CFAP298: variants seen among roughly 807,000 people sequenced by gnomAD.
CFAP298 encodes the protein cilia- and flagella-associated protein 298.
In CFAP298, 38 loss-of-function variants were observed where a neutral mutation model predicts 41.0. The observed-to-expected ratio is 0.93, with a 90% CI of 0.72 to 1.22. The LOEUF is 1.22. CFAP298 is among the 50% of genes most tolerant of loss of function. The pLI, the probability that CFAP298 is intolerant of heterozygous loss-of-function variation, is 0.00. For missense variants in CFAP298, 348 were observed against 360.3 expected, an observed-to-expected ratio of 0.97 and a Z score of 0.28; for synonymous variants, 137 against 135.3, an observed-to-expected ratio of 1.01 and a Z score of -0.09.
intron 5 of CFAP298, chr21:32,602,643 G>C (rs2038769450): frequency 1.6e-6 from 2 of 1,283,416 alleles, no homozygotes; most frequent in South Asian, 2.0e-5. Flanking sequence ...AGTGGGAAAG[G>C]GAGGATGCTC....
chr21:32,607,760 C>T (rs753103171), intron 2 of CFAP298, 44 bp from the exon 3 acceptor site: 3 of 1,206,690 alleles, frequency 2.5e-6, no homozygotes, highest in Non-Finnish European at 2.4e-6. Flanking sequence ...CTGTCAAATA[C>T]AAAGCCTCTT....
At position 32,603,238 on chromosome 21, in the gene CFAP298, C is replaced by A; in HGVS notation, c.589G>T (p.Glu197Ter). The part of the protein sequence containing the change: ...AEAQLWWAAK[E>*]LRRTKKLSDY... ...GAAAGCTTCTTCGTTCTTCTCAGCT[C>A]CTTGGCTGCCCACCACAGCTGCGCC... Residue 197 changes from glutamate to a stop codon, truncating the protein, a stop_gained, in exon 5 of 7, where the codon GAG becomes TAG. Transcript: ENST00000290155. LOFTEE classifies it high-confidence loss of function. The A allele has an allele frequency of 6.2e-7, 1 of 1,614,180 alleles. No homozygotes were observed. Among genetic ancestry groups the A allele is most frequent in the Non-Finnish European group, 8.5e-7 (1 of 1,180,002 alleles).
chr21:32,610,779 A>C (rs2038971193), intron 1 of CFAP298, among the ~76,000 whole-genome samples: 1 of 152,238 alleles, frequency 6.6e-6, no homozygotes, highest in Non-Finnish European at 1.5e-5. Context: ...ATATTCATAT[A>C]ATGTAATCAA....
At chr21:32,607,134 G>C (rs181169256) in intron 3 of CFAP298, among the ~76,000 whole-genome samples, 3 of 152,254 alleles carry the variant, frequency 2.0e-5, no homozygotes, top group Admixed American at 2.0e-4. Context: ...ACAAAAATTT[G>C]TGTCTGCCTG....
Position 32,608,345 on chromosome 21 carries a change from C to T in CFAP298, c.308-629G>A, listed in dbSNP as rs143836324. On this transcript the variant is annotated intron_variant, in intron 2 of 6. Transcript: ENST00000290155. ...AATTAGACATTGAAAATATTAGAAACACAAGATTGTATTATAATAGAAGTG... is the reference window on the plus strand; with the variant it reads ...AATTAGACATTGAAAATATTAGAAATACAAGATTGTATTATAATAGAAGTG... 2.2e-3 allele frequency among the ~76,000 whole-genome samples: 333 copies of T among 150,248 alleles called. 4 individuals carry two copies. Among genetic ancestry groups the T allele is most frequent in the African/African-American group, 7.8e-3 (320 of 40,768 alleles).
intron 1 of CFAP298, among the ~76,000 whole-genome samples, chr21:32,611,338 T>TATATATATATATATATATATATATAA (rs954890218): frequency 2.8e-4 from 37 of 132,330 alleles, no homozygotes; most frequent in African/African-American, 1.2e-3. Context: ...TATATATATA[T>TATATATATATATATATATATATATAA]AATTTATTTA....
chr21:32,601,370 T>A lies in CFAP298; in HGVS notation c.*493A>T, dbSNP rs2038732676. Among the ~76,000 whole-genome samples, 1 of 144,224 alleles carries A rather than the reference T, an allele frequency of 6.9e-6. No homozygotes were observed. Among genetic ancestry groups the A allele is most frequent in the Admixed American group, 7.1e-5 (1 of 14,018 alleles). The allele number at this position is 144,224 out of a possible 152,430, so 94.6% of individuals were successfully genotyped here. On this transcript the variant is annotated 3_prime_UTR_variant, in exon 7 of 7. Transcript: ENST00000290155. ...AGAGTGCAGTGGCAGTGATCTTGGC[T>A]CACTGTAAGCTCCACCTCCCGGGTT...
intron 1 of CFAP298, among the ~76,000 whole-genome samples, chr21:32,610,897 TTA>T (rs1458024519): frequency 6.6e-6 from 1 of 152,148 alleles, no homozygotes; most frequent in Non-Finnish European, 1.5e-5. Context: ...TACACGATAG[TTA>T]TATAAACAGT....
intron 3 of CFAP298, 81 bp from the exon 4 acceptor site, chr21:32,604,364 G>A: frequency 1.4e-6 from 2 of 1,434,650 alleles, no homozygotes; most frequent in Non-Finnish European, 2.0e-6. Flanking sequence ...CAAGACCCTT[G>A]CCAGATACTG....
chr21:32,604,365 C>G lies in CFAP298; in HGVS notation c.376-82G>C. On this transcript the variant is annotated intron_variant, in intron 3 of 6. Transcript: ENST00000290155. ...ATCAAGATCTTGTACAAGACCCTTG[C>G]CAGATACTGCCAGAGCAACAAAAAG... 2.8e-6 allele frequency: 4 copies of G among 1,434,264 alleles called. No homozygotes were observed. In the South Asian group the frequency reaches 3.5e-5, roughly 13 times the overall value. The allele number at this position is 1,434,264 out of a possible 1,614,324, so 88.8% of individuals were successfully genotyped here. A position where few individuals can be genotyped will look rare whatever the true frequency, so the allele number is the denominator to read the frequency against.
Position 32,601,854 on chromosome 21 carries a change from T to C in CFAP298, c.*9A>G. 2 of 1,471,010 alleles carry C rather than the reference T, an allele frequency of 1.4e-6. No individual in the cohort carries two copies. The highest frequency in any genetic ancestry group is 1.7e-5 in the Admixed American group (1 of 59,818). 91.1% of individuals were successfully genotyped at this position (1,471,010 alleles called of 1,614,324 possible). A position where few individuals can be genotyped will look rare whatever the true frequency, so the allele number is the denominator to read the frequency against. ...TAATCTCTTTGGAAGTGTCATCAGCTGGTGAACTTCATCTTGGTCTCCACT... is the reference window on the plus strand; with the variant it reads ...TAATCTCTTTGGAAGTGTCATCAGCCGGTGAACTTCATCTTGGTCTCCACT... On this transcript the variant is annotated 3_prime_UTR_variant, in exon 7 of 7. Transcript: ENST00000290155.
At position 32,601,938 on chromosome 21, in the gene CFAP298, G is replaced by A. The variant is rs761764224; in HGVS notation, c.798C>T (p.Asn266=). Residue 266 remains asparagine (N), a synonymous_variant, in exon 7 of 7, where the codon AAC becomes AAT. Coordinates refer to ENST00000290155, the MANE Select transcript of CFAP298 (RefSeq NM_021254.4). ...AAGCAGTGTTATCCGCCCATGGTGA[G>A]TTTAAATAGGCATCATCATCATTTT... ...LEENDDDAYL[N]SPWADNTALK... 4 of 1,610,528 alleles carry A rather than the reference G, an allele frequency of 2.5e-6. No individual in the cohort carries two copies. The highest frequency in any genetic ancestry group is 3.4e-6 in the Non-Finnish European group (4 of 1,176,812).
chr21:32,604,852 T>C (rs940508293), intron 3 of CFAP298, among the ~76,000 whole-genome samples: 1 of 152,170 alleles, frequency 6.6e-6, no homozygotes, highest in Non-Finnish European at 1.5e-5. Flanking sequence ...AGTGGTAATG[T>C]TGAGAGATTT....
intron 3 of CFAP298, among the ~76,000 whole-genome samples, chr21:32,607,316 G>A (rs114583237): frequency 0.012 from 1,775 of 152,168 alleles, 35 homozygotes; most frequent in African/African-American, 0.04. Flanking sequence ...GTTTTAGGCC[G>A]GGCGCGGTGG....
rs768474710 is a variant in CFAP298, at chr21:32,603,261, G to A, written c.566C>T (p.Ala189Val). The change falls in exon 5 of 7, where the codon GCG becomes GTG. Residue 189 changes from alanine (A) to valine (V), a missense_variant. By Grantham distance (64) the Ala-to-Val change is moderately conservative. Coordinates refer to ENST00000290155, the MANE Select transcript of CFAP298 (RefSeq NM_021254.4). ...CTCCTTGGCTGCCCACCACAGCTGC[G>A]CCTCTGCCTCTTTAATGACGTTGAG... ...AGLNVIKEAE[A>V]QLWWAAKELR... The A allele has an allele frequency of 3.7e-6, 6 of 1,613,864 alleles. No homozygotes were observed. Among genetic ancestry groups the A allele is most frequent in the African/African-American group, 1.3e-5 (1 of 74,878 alleles).
chr21:32,607,582 A>C, intron 3 of CFAP298, 67 bp downstream of exon 3: 2 of 1,020,624 alleles, frequency 2.0e-6, no homozygotes, highest in Non-Finnish European at 2.9e-6. Context: ...AACAAAAGCA[A>C]AATTCCATCT....
chr21:32,608,107 G>A (rs941289848), intron 2 of CFAP298, among the ~76,000 whole-genome samples: 3 of 151,654 alleles, frequency 2.0e-5, no homozygotes, highest in Non-Finnish European at 4.4e-5. Context: ...AATAACTGGG[G>A]TAGCTGCGTC....
At chr21:32,604,078 G>C (rs769504012) in intron 4 of CFAP298, 47 bp downstream of exon 4, 1 of 1,584,290 alleles carries the variant, frequency 6.3e-7, no homozygotes, top group Non-Finnish European at 8.6e-7. Flanking sequence ...AAGGGCTTTG[G>C]GGGCCAGGAA....
chr21:32,600,590 C>T lies in CFAP298; in HGVS notation c.*1273G>A, dbSNP rs1398968864. Among the ~76,000 whole-genome samples the T allele has an allele frequency of 7.4e-6, 1 of 134,242 alleles. No individual in the cohort carries two copies. The highest frequency in any genetic ancestry group is 3.0e-5 in the African/African-American group (1 of 33,598). The allele number at this position is 134,242 out of a possible 152,430, so 88.1% of individuals were successfully genotyped here. On this transcript the variant is annotated 3_prime_UTR_variant, in exon 7 of 7. Coordinates refer to ENST00000290155, the MANE Select transcript of CFAP298 (RefSeq NM_021254.4). ...AGCATGAGGGACTGCCACAGGCAGT[C>T]TGGCAGGTGTCTTTCAGATGCTAAA...
Sources: gnomAD v4.1 joint callset for allele counts (sites outside exome capture counted in the v4.1 genomes callset) on GRCh38, gnomAD v4.1.1 for gene constraint, MANE v1.5 for transcripts, NCBI Gene and HGNC (gene_info 2026-07-23, HGNC 2026-07-21) for gene names.